The following GRIN2B variants were observed in gnomAD, a reference collection of about 807,000 sequenced individuals.
GRIN2B encodes glutamate receptor ionotropic, NMDA 2B.
A neutral mutation model predicts 114.5 loss-of-function variants in GRIN2B; 5 were observed. That is an observed-to-expected ratio of 0.04 (90% CI 0.02 to 0.09). The LOEUF is 0.09. GRIN2B is among the 10% of genes least tolerant of loss of function. The pLI, the probability that GRIN2B is intolerant of heterozygous loss-of-function variation, is 1.00. For missense variants in GRIN2B, 1,108 were observed against 1,943.5 expected (o/e 0.57, Z 8.08); for synonymous variants, 787 against 745.1 (o/e 1.06, Z -0.92).
At chr12:13,566,948 T>C (rs1948648249) in intron 13 of GRIN2B, 77 bp downstream of exon 13, 1 of 982,322 alleles carries the variant, frequency 1.0e-6, no homozygotes, top group East Asian at 2.4e-5. Flanking sequence ...TAGTGTCCTC[T>C]TGGTTCTCTC....
intron 5 of GRIN2B, among the ~76,000 whole-genome samples, chr12:13,634,782 CAT>C (rs535820123): frequency 2.5e-3 from 388 of 152,274 alleles, no homozygotes; most frequent in Non-Finnish European, 4.8e-3. Context: ...TTTATTTACA[CAT>C]GTGTTGTTTC....
chr12:13,762,775 A>C (rs1190615444), intron 3 of GRIN2B, among the ~76,000 whole-genome samples: 1 of 152,250 alleles, frequency 6.6e-6, no homozygotes. Flanking sequence ...GAGACTAGGC[A>C]TGGCTGAGTT....
intron 8 of GRIN2B, among the ~76,000 whole-genome samples, chr12:13,614,819 C>T (rs1949414832): frequency 6.6e-6 from 1 of 152,236 alleles, no homozygotes; most frequent in South Asian, 2.1e-4. Context: ...AGCAAATTTG[C>T]TCAAGGTCAC....
At chr12:13,930,445 C>G (rs1262892457) in intron 2 of GRIN2B, among the ~76,000 whole-genome samples, 1 of 152,020 alleles carries the variant, frequency 6.6e-6, no homozygotes, top group East Asian at 1.9e-4. Flanking sequence ...TTAGAAGGAG[C>G]CTTTGTGAAC....
At position 13,680,342 on chromosome 12, in the gene GRIN2B, C is replaced by T. The variant is rs1040516142; in HGVS notation, c.1011-4483G>A. Among the ~76,000 whole-genome samples the T allele has an allele frequency of 1.2e-4, 18 of 152,052 alleles. No individual in the cohort carries two copies. The East Asian group carries it at 1.7e-3, about 15-fold the overall frequency. ...TCTATTTCTCTCCAAACATGTCATC[C>T]TCAAGTACACAGTCAAAAAGCTTTG... On this transcript the variant is annotated intron_variant, in intron 4 of 13. Coordinates refer to ENST00000609686, the MANE Select transcript of GRIN2B (RefSeq NM_000834.5).
chr12:13,666,580 T>A (rs1005070123), intron 5 of GRIN2B, among the ~76,000 whole-genome samples: 12 of 152,206 alleles, frequency 7.9e-5, no homozygotes, highest in African/African-American at 2.9e-4. Context: ...AAATTTTATT[T>A]TTTTGTTGTT....
At chr12:13,825,530 G>GTGTGTGTGTGTA (rs1302451300) in intron 3 of GRIN2B, among the ~76,000 whole-genome samples, 5,455 of 146,066 alleles carry the variant, frequency 0.037, 164 homozygotes, top group Non-Finnish European at 0.058. Flanking sequence ...GTGTGTGTGT[G>GTGTGTGTGTGTA]TGTATGATGG....
intron 4 of GRIN2B, among the ~76,000 whole-genome samples, chr12:13,729,428 T>C (rs534554506): frequency 2.0e-5 from 3 of 152,280 alleles, no homozygotes; most frequent in Admixed American, 2.0e-4. Flanking sequence ...AGCTTTTGTA[T>C]GATGAAGATT....
chr12:13,611,945 G>C (rs559366564), intron 8 of GRIN2B, 95 bp from the exon 9 acceptor site: 177 of 1,228,112 alleles, frequency 1.4e-4, no homozygotes, highest in Non-Finnish European at 2.0e-4. Flanking sequence ...AGGGGGTGGG[G>C]AACAAACCAC....
At chr12:13,804,157 C>CT (rs10626018) in intron 3 of GRIN2B, among the ~76,000 whole-genome samples, 29,190 of 143,338 alleles carry the variant, frequency 0.2, 3,383 homozygotes, top group Middle Eastern at 0.3. Context: ...CTGCAGCTCT[C>CT]TTTTTTTTTT....
chr12:13,574,887 G>A (rs1345566305), intron 10 of GRIN2B, among the ~76,000 whole-genome samples: 4 of 152,214 alleles, frequency 2.6e-5, no homozygotes, highest in Non-Finnish European at 5.9e-5. Flanking sequence ...CGTACAGTCA[G>A]ATCATTGGAA....
chr12:13,643,489 C>T (rs532023755), intron 5 of GRIN2B, among the ~76,000 whole-genome samples: 1 of 152,250 alleles, frequency 6.6e-6, no homozygotes, highest in Non-Finnish European at 1.5e-5. Flanking sequence ...GATCTCGCCT[C>T]CACGTTGATG....
At position 13,548,985 on chromosome 12, in the gene GRIN2B, T is replaced by C. The variant is rs1290600610; in HGVS notation, c.*13798A>G. The C allele has an allele frequency of 6.8e-6, 1 of 146,266 alleles. No individual in the cohort carries two copies. The highest frequency in any genetic ancestry group is 1.5e-5 in the Non-Finnish European group (1 of 65,752). 9.1% of individuals were successfully genotyped at this position (146,266 alleles called of 1,614,324 possible). ...CCTACCTCCTCTCCTATCTTCCCTC[T>C]AGGGCTAGGAAGGACTGATAAAAAA... On this transcript the variant is annotated 3_prime_UTR_variant, in exon 14 of 14. Coordinates refer to ENST00000609686, the MANE Select transcript of GRIN2B (RefSeq NM_000834.5).
At chr12:13,766,864 T>C (rs1355708876) in intron 3 of GRIN2B, among the ~76,000 whole-genome samples, 2 of 152,202 alleles carry the variant, frequency 1.3e-5, no homozygotes, top group East Asian at 1.9e-4. Context: ...ACAGTTTTAA[T>C]AATTATACAC....
intron 5 of GRIN2B, among the ~76,000 whole-genome samples, chr12:13,641,985 C>T (rs995726851): frequency 6.6e-5 from 10 of 152,024 alleles, no homozygotes; most frequent in East Asian, 1.9e-4. Flanking sequence ...GTCAGGAGCT[C>T]GAGACCAGCC....
At chr12:13,696,021 A>G (rs911520454) in intron 4 of GRIN2B, among the ~76,000 whole-genome samples, 1 of 152,184 alleles carries the variant, frequency 6.6e-6, no homozygotes, top group Non-Finnish European at 1.5e-5. Context: ...TCAAGGTATG[A>G]CACCTTGTAT....
At chr12:13,822,034 T>A (rs1043295677) in intron 3 of GRIN2B, among the ~76,000 whole-genome samples, 6 of 152,140 alleles carry the variant, frequency 3.9e-5, no homozygotes, top group African/African-American at 1.4e-4. Context: ...AACCAGGGAA[T>A]GATATTGAAG....
At chr12:13,611,382 G>A (rs749996793) in intron 9 of GRIN2B, among the ~76,000 whole-genome samples, 70 of 152,082 alleles carry the variant, frequency 4.6e-4, no homozygotes, top group Non-Finnish European at 1.8e-4. Context: ...CCTTGTTAGC[G>A]ACATCTGTTC....
chr12:13,928,044 G>A (rs1866950973), intron 2 of GRIN2B, among the ~76,000 whole-genome samples: 1 of 151,162 alleles, frequency 6.6e-6, no homozygotes, highest in Admixed American at 6.6e-5. Flanking sequence ...AGGCGCAGTG[G>A]CACAACCTGT....
Sources: allele counts gnomAD v4.1 joint callset (sites outside exome capture counted in the v4.1 genomes callset), GRCh38; gene constraint gnomAD v4.1.1; transcripts MANE v1.5; gene names NCBI Gene and HGNC (gene_info 2026-07-23, HGNC 2026-07-21).